HNRNPL: variants seen among roughly 807,000 people sequenced by gnomAD.
HNRNPL encodes epididymis secretory sperm binding protein.
In HNRNPL, 12 loss-of-function variants were observed where a neutral mutation model predicts 64.0. The observed-to-expected ratio is 0.19, with a 90% confidence interval of 0.12 to 0.30. The LOEUF is 0.30. Among genes scored for constraint, HNRNPL ranks in the 10% least tolerant of loss-of-function variants. HNRNPL has a pLI of 1.00. For synonymous variants in HNRNPL, 385 were observed against 313.0 expected, an observed-to-expected ratio of 1.23 and a Z score of -2.43; for missense variants, 484 against 797.4, an observed-to-expected ratio of 0.61 and a Z score of 4.73.
chr19:38,849,698 ACCC>A lies in HNRNPL; in HGVS notation c.266_267+1del. On this transcript the variant is annotated splice_donor_variant and coding_sequence_variant, in exon 1 of 13. Coordinates refer to ENST00000221419, the MANE Select transcript of HNRNPL (RefSeq NM_001533.3). LOFTEE classifies it high-confidence loss of function. ...TCCCAGCGCCTAGGGCCCTGGCCTC[ACCC>A]CACCGCCGCCGCCGCCCGCCGCCCC... The A allele has an allele frequency of 7.4e-7, 1 of 1,354,342 alleles. No homozygotes were observed. Among genetic ancestry groups the A allele is most frequent in the South Asian group, 1.9e-5 (1 of 53,392 alleles). 83.9% of individuals were successfully genotyped at this position (1,354,342 alleles called of 1,614,324 possible).
chr19:38,840,599 T>C (rs769078974), intron 6 of HNRNPL, 40 bp from the exon 7 acceptor site: 23 of 1,500,948 alleles, frequency 1.5e-5, no homozygotes, highest in East Asian at 7.3e-5. Flanking sequence ...CACTCAGAAA[T>C]TGGGGTCTCT....
Position 38,849,922 on chromosome 19 carries a change from C to G in HNRNPL, c.45G>C (p.Arg15=), listed in dbSNP as rs780173903. 1 of 1,323,968 alleles carries G rather than the reference C, an allele frequency of 7.6e-7. No homozygotes were observed. The highest frequency in any genetic ancestry group is 1.3e-5 in the South Asian group (1 of 74,822). 82.0% of individuals were successfully genotyped at this position (1,323,968 alleles called of 1,614,324 possible). A position where few individuals can be genotyped will look rare whatever the true frequency, so the allele number is the denominator to read the frequency against. The part of the protein sequence containing the change: ...LLPRAEKRRR[R]LEQRQQPDEQ... ...CGTCCGGCTGCTGCCTCTGCTCCAG[C>G]CGCCGACGCCGCTTCTCCGCCCGGG... The change falls in exon 1 of 13, where the codon CGG becomes CGC. Residue 15 remains arginine, a synonymous_variant. Coordinates refer to ENST00000221419, the MANE Select transcript of HNRNPL (RefSeq NM_001533.3).
chr19:38,846,588 A>G (rs1380471745), intron 2 of HNRNPL, among the ~76,000 whole-genome samples: 2 of 152,174 alleles, frequency 1.3e-5, no homozygotes, highest in Non-Finnish European at 2.9e-5. Context: ...CCTGGCCAAC[A>G]TGGCAAAACC....
At chr19:38,837,778 C>T (rs187432251) in intron 10 of HNRNPL, 127 bp from the exon 11 acceptor site, 177 of 750,150 alleles carry the variant, frequency 2.4e-4, no homozygotes, top group Admixed American at 9.9e-4. Flanking sequence ...TAGATTTTAT[C>T]ACATACCCTA....
intron 1 of HNRNPL, chr19:38,849,484 C>T (rs1283786006): frequency 1.8e-6 from 1 of 570,074 alleles, no homozygotes. Context: ...TTCCTCTGCG[C>T]TCCCCCACAC....
intron 8 of HNRNPL, chr19:38,839,307 G>C: frequency 2.5e-6 from 1 of 395,042 alleles, no homozygotes; most frequent in Non-Finnish European, 4.8e-6. Context: ...TCACCATTTT[G>C]TCTGTTACAC....
intron 1 of HNRNPL, among the ~76,000 whole-genome samples, chr19:38,848,788 C>A (rs1972392444): frequency 6.6e-6 from 1 of 152,172 alleles, no homozygotes; most frequent in Admixed American, 6.5e-5. Context: ...CCAGTATCTC[C>A]CCCAACCTCA....
upstream of HNRNPL, among the ~76,000 whole-genome samples, chr19:38,850,572 G>A (rs1168927397): frequency 2.0e-5 from 3 of 152,188 alleles, no homozygotes; most frequent in African/African-American, 7.2e-5. Flanking sequence ...GCGCTCTTTG[G>A]TGCAGTATAC....
intron 8 of HNRNPL, 91 bp from the exon 9 acceptor site, chr19:38,839,106 CTGGCCTCCCA>C: frequency 2.6e-6 from 4 of 1,517,660 alleles, no homozygotes; most frequent in Non-Finnish European, 3.6e-6. Flanking sequence ...AACCCCTGCT[CTGGCCTCCCA>C]TGTCCTCACA....
rs1972000832 is a variant in HNRNPL at position 38,838,432 on chromosome 19, C to A, written c.1522G>T (p.Ala508Ser). Residue 508 changes from alanine to serine, a missense_variant, in exon 10 of 13, where the codon GCC (alanine) becomes TCC (serine). By Grantham distance (99) the Ala-to-Ser change is moderately conservative. Coordinates refer to ENST00000221419, the MANE Select transcript of HNRNPL (RefSeq NM_001533.3). ...TTCTCCTCGGTCACCTCCAGCGGGGCGTTGAAGAAGTGCAGCACGTTGCTG... is the reference window on the plus strand; with the variant it reads ...TTCTCCTCGGTCACCTCCAGCGGGGAGTTGAAGAAGTGCAGCACGTTGCTG... ...HPSNVLHFFN[A>S]PLEVTEENFF... 4 of 1,613,154 alleles carry A rather than the reference C, an allele frequency of 2.5e-6. No individual in the cohort carries two copies. The highest frequency in any genetic ancestry group is 2.5e-6 in the Non-Finnish European group (3 of 1,179,128).
intron 4 of HNRNPL, chr19:38,844,710 A>AT (rs1313897307): frequency 2.0e-5 from 2 of 100,640 alleles, no homozygotes; most frequent in African/African-American, 6.7e-5. Context: ...CACATGCCCC[A>AT]CCTTTTTTTT....
At position 38,843,924 on chromosome 19, in the gene HNRNPL, C is replaced by G; in HGVS notation, c.808-10G>C. The stretch of plus-strand genomic sequence containing the variant: ...CATTCAAGCGTGTAGGCTGCAAGGA[C>G]AGGACAAGACAAGACTTGAGGTCAG... On this transcript the variant is annotated splice_polypyrimidine_tract_variant and intron_variant, in intron 5 of 12. Coordinates refer to ENST00000221419, the MANE Select transcript of HNRNPL (RefSeq NM_001533.3). 3 of 1,613,974 alleles carry G rather than the reference C, an allele frequency of 1.9e-6. No homozygotes were observed. Among genetic ancestry groups the G allele is most frequent in the Non-Finnish European group, 2.5e-6 (3 of 1,179,884 alleles).
In HNRNPL at chr19:38,849,952, C is replaced by CA; in HGVS notation, c.14dup (p.Leu6AlafsTer48). The CA allele has an allele frequency of 7.4e-7, 1 of 1,353,464 alleles. No homozygotes were observed. Among genetic ancestry groups the CA allele is most frequent in the Non-Finnish European group, 9.6e-7 (1 of 1,044,046 alleles). 83.8% of individuals were successfully genotyped at this position (1,353,464 alleles called of 1,614,324 possible). A position where few individuals can be genotyped will look rare whatever the true frequency, so the allele number is the denominator to read the frequency against. ...GACGCCGCTTCTCCGCCCGGGGCAG[C>CA]AGCCTCCGCGACATGGCGGCGCAGA... On this transcript the variant is annotated frameshift_variant, in exon 1 of 13. Coordinates refer to ENST00000221419, the MANE Select transcript of HNRNPL (RefSeq NM_001533.3). LOFTEE classifies it high-confidence loss of function.
chr19:38,849,894 G>T lies in HNRNPL; in HGVS notation c.73C>A (p.Gln25Lys). 8.0e-7 allele frequency: 1 copy of T among 1,252,782 alleles called. No homozygotes were observed. Among genetic ancestry groups the T allele is most frequent in the Non-Finnish European group, 1.1e-6 (1 of 892,534 alleles). The allele number at this position is 1,252,782 out of a possible 1,614,324, so 77.6% of individuals were successfully genotyped here. Residue 25 changes from glutamine (Q) to lysine (K), a missense_variant, in exon 1 of 13, where the codon CAG becomes AAG. Coordinates refer to ENST00000221419, the MANE Select transcript of HNRNPL (RefSeq NM_001533.3). ...RLEQRQQPDE[Q>K]RRRSGAMVKM... ...ACCATCGCTCCCGACCGCCTCCGCT[G>T]CTCGTCCGGCTGCTGCCTCTGCTCC...
chr19:38,850,692 G>C (rs968548987), upstream of HNRNPL, among the ~76,000 whole-genome samples: 1 of 152,232 alleles, frequency 6.6e-6, no homozygotes, highest in African/African-American at 2.4e-5. Flanking sequence ...GCTAGACCAA[G>C]ATTGACAGGA....
chr19:38,843,625 C>G, intron 6 of HNRNPL: 1 of 574,690 alleles, frequency 1.7e-6, no homozygotes, highest in Non-Finnish European at 3.1e-6. Flanking sequence ...GCCTCTGTAT[C>G]CTGAGCAGCA....
In HNRNPL at chr19:38,843,922, G is replaced by A. The variant is rs775295811; in HGVS notation, c.808-8C>T. On this transcript the variant is annotated splice_region_variant and splice_polypyrimidine_tract_variant and intron_variant, in intron 5 of 12. Coordinates refer to ENST00000221419, the MANE Select transcript of HNRNPL (RefSeq NM_001533.3). The stretch of plus-strand genomic sequence containing the variant: ...CACATTCAAGCGTGTAGGCTGCAAG[G>A]ACAGGACAAGACAAGACTTGAGGTC... 6 of 1,613,946 alleles carry A rather than the reference G, an allele frequency of 3.7e-6. No individual in the cohort carries two copies. The highest frequency in any genetic ancestry group is 5.1e-6 in the Non-Finnish European group (6 of 1,179,858).
At chr19:38,839,345 G>GT (rs1972033624) in intron 8 of HNRNPL, 1 of 286,670 alleles carries the variant, frequency 3.5e-6, no homozygotes. Context: ...ATGGATGGCT[G>GT]TGTCTACAGT....
At position 38,847,419 on chromosome 19, in the gene HNRNPL, G is replaced by A; in HGVS notation, c.283C>T (p.Pro95Ser). The A allele has an allele frequency of 2.6e-6, 4 of 1,525,244 alleles. No individual in the cohort carries two copies. The highest frequency in any genetic ancestry group is 2.6e-6 in the Non-Finnish European group (3 of 1,136,422). The allele number at this position is 1,525,244 out of a possible 1,614,324, so 94.5% of individuals were successfully genotyped here. A position where few individuals can be genotyped will look rare whatever the true frequency, so the allele number is the denominator to read the frequency against. The part of the protein sequence containing the change: ...GGGGGENYDD[P>S]HKTPASPVVH... ...ACTGGGGAGGCAGGGGTTTTGTGCG[G>A]GTCATCGTAGTTCTCCTGAGAAAGG... The change falls in exon 2 of 13, where the codon CCG (proline) becomes TCG (serine). Residue 95 changes from proline to serine, a missense_variant. By Grantham distance (74) the Pro-to-Ser change is moderately conservative. Around this residue, in one of 9 missense-constraint regions of HNRNPL, gnomAD observed 190 missense variants for 160.1 expected, o/e 1.19. Transcript: ENST00000221419.
Sources: allele counts gnomAD v4.1 joint callset (sites outside exome capture counted in the v4.1 genomes callset), GRCh38; gene constraint gnomAD v4.1.1; regional missense constraint gnomAD v4.1.1; transcripts MANE v1.5; gene names NCBI Gene and HGNC (gene_info 2026-07-23, HGNC 2026-07-21).